Variants in HACE1 observed in about 807,000 individuals in gnomAD.
The protein encoded by HACE1 is HECT domain and ankyrin repeat containing E3 ubiquitin protein ligase 1.
In HACE1, 73 loss-of-function variants were observed where a neutral mutation model predicts 118.4. That is an observed-to-expected ratio of 0.62 (90% confidence interval 0.51 to 0.75). The LOEUF (loss-of-function observed/expected upper bound fraction) is 0.75. HACE1 is among the 30% of genes least tolerant of loss of function. The pLI is 0.00. For missense variants in HACE1, 749 were observed against 1,102.2 expected (o/e 0.68, Z 4.54); for synonymous variants, 368 against 374.8 (o/e 0.98, Z 0.21).
At chr6:104,809,691 G>T (rs904432330) in intron 7 of HACE1, among the ~76,000 whole-genome samples, 1 of 150,156 alleles carries the variant, frequency 6.7e-6, no homozygotes, top group Non-Finnish European at 1.5e-5. Flanking sequence ...CTTTGCTGAG[G>T]AAAGAAGAGA....
chr6:104,739,814 G>T (rs1312834627), intron 22 of HACE1, among the ~76,000 whole-genome samples: 1 of 151,710 alleles, frequency 6.6e-6, no homozygotes, highest in Non-Finnish European at 1.5e-5. Context: ...GCACCAAGCG[G>T]ACCTAATAGA....
chr6:104,832,381 T>G (rs940964431), intron 6 of HACE1, among the ~76,000 whole-genome samples: 6 of 150,846 alleles, frequency 4.0e-5, no homozygotes, highest in East Asian at 2.0e-4. Flanking sequence ...TTTCCTGTTT[T>G]TTGTTGTTGT....
rs987702221 is a variant in HACE1, at chr6:104,728,765, A to G, written c.*897T>C. On this transcript the variant is annotated 3_prime_UTR_variant, in exon 24 of 24. Coordinates refer to ENST00000262903, the MANE Select transcript of HACE1 (RefSeq NM_020771.4). ...AAATTCAAAAACCCACCAACATCCA[A>G]GTGATATTAGGCACATATCACTTGA... The G allele has an allele frequency of 4.6e-5, 7 of 152,160 alleles. No individual in the cohort carries two copies. Among genetic ancestry groups the G allele is most frequent in the African/African-American group, 7.2e-5 (3 of 41,450 alleles). The allele number at this position is 152,160 out of a possible 1,614,324, so 9.4% of individuals were successfully genotyped here. A position where few individuals can be genotyped will look rare whatever the true frequency, so the allele number is the denominator to read the frequency against.
rs539508398 is a variant in HACE1 at position 104,813,688 on chromosome 6, AAACTC to A, written c.535-2300_535-2296del. On this transcript the variant is annotated intron_variant, in intron 6 of 23. Coordinates refer to ENST00000262903, the MANE Select transcript of HACE1 (RefSeq NM_020771.4). ...TGTACAGTCAAACCAAGTAGTCAACAAACTCAACTCATGTACACAACGCTTCCAGC... is the reference window on the plus strand; with the variant it reads ...TGTACAGTCAAACCAAGTAGTCAACAAACTCATGTACACAACGCTTCCAGC... Among the ~76,000 whole-genome samples the A allele has an allele frequency of 7.2e-5, 10 of 138,504 alleles. 1 individual carries two copies. In the South Asian group the frequency reaches 1.8e-3, roughly 25 times the overall value. 90.9% of individuals were successfully genotyped at this position (138,504 alleles called of 152,430 possible).
intron 19 of HACE1, among the ~76,000 whole-genome samples, chr6:104,753,228 C>T (rs949688289): frequency 6.6e-6 from 1 of 152,202 alleles, no homozygotes; most frequent in Admixed American, 6.5e-5. Flanking sequence ...AAGGACAGCG[C>T]TTTGGTATCT....
intron 5 of HACE1, among the ~76,000 whole-genome samples, chr6:104,840,086 T>C (rs150419476): frequency 4.7e-4 from 72 of 152,286 alleles, no homozygotes; most frequent in Non-Finnish European, 9.3e-4. Context: ...TGTAATATTA[T>C]AGTATAGTTT....
intron 4 of HACE1, chr6:104,845,747 G>T (rs1490395905): frequency 6.6e-6 from 1 of 151,990 alleles, no homozygotes; most frequent in Non-Finnish European, 1.5e-5. Context: ...AAAGTGCTGG[G>T]ATTACAGGCT....
chr6:104,745,085 G>A (rs1466164171), intron 20 of HACE1, among the ~76,000 whole-genome samples: 4 of 152,052 alleles, frequency 2.6e-5, no homozygotes, highest in Non-Finnish European at 5.9e-5. Flanking sequence ...GAAAAAGGAG[G>A]TAATATAAAA....
chr6:104,803,000 A>G (rs921800792), intron 7 of HACE1, among the ~76,000 whole-genome samples: 8 of 152,214 alleles, frequency 5.3e-5, no homozygotes, highest in African/African-American at 1.9e-4. Flanking sequence ...GAGAAGAATC[A>G]AACAGACACA....
At chr6:104,855,180 C>T (rs1776596747) in intron 1 of HACE1, among the ~76,000 whole-genome samples, 2 of 152,286 alleles carry the variant, frequency 1.3e-5, no homozygotes, top group South Asian at 4.1e-4. Context: ...TGCAGTGGCT[C>T]ACGCCTGTAA....
intron 19 of HACE1, among the ~76,000 whole-genome samples, chr6:104,769,288 G>A (rs1780364458): frequency 6.6e-6 from 1 of 152,092 alleles, no homozygotes; most frequent in Non-Finnish European, 1.5e-5. Flanking sequence ...CCCTGCCTTA[G>A]TCTCCCAAAG....
At chr6:104,732,969 A>T (rs1219548207) in intron 22 of HACE1, among the ~76,000 whole-genome samples, 1 of 152,232 alleles carries the variant, frequency 6.6e-6, no homozygotes, top group Admixed American at 6.5e-5. Context: ...ATTCCTATTA[A>T]CAGCAAGAGA....
intron 7 of HACE1, among the ~76,000 whole-genome samples, chr6:104,807,861 T>C (rs1771184994): frequency 6.6e-6 from 1 of 151,764 alleles, no homozygotes; most frequent in African/African-American, 2.4e-5. Context: ...AAAATCCATC[T>C]GAAAAAGACT....
chr6:104,806,835 T>G (rs1340706764), intron 7 of HACE1, among the ~76,000 whole-genome samples: 1 of 152,152 alleles, frequency 6.6e-6, no homozygotes, highest in Non-Finnish European at 1.5e-5. Flanking sequence ...CACTTAGACC[T>G]GATTTCTCAA....
intron 1 of HACE1, 121 bp from the exon 2 acceptor site, chr6:104,852,492 A>G: frequency 1.5e-6 from 1 of 674,224 alleles, no homozygotes; most frequent in Non-Finnish European, 2.7e-6. Context: ...AAGAAGGAGG[A>G]AAGAATAATG....
At chr6:104,756,160 C>T (rs1362565358) in intron 19 of HACE1, among the ~76,000 whole-genome samples, 2 of 151,970 alleles carry the variant, frequency 1.3e-5, no homozygotes, top group African/African-American at 4.8e-5. Flanking sequence ...TGCCTGTAAT[C>T]CCAGCACTTT....
chr6:104,745,454 C>CATTTTTTTTTT (rs1777311443), intron 20 of HACE1, among the ~76,000 whole-genome samples: 1 of 67,854 alleles, frequency 1.5e-5, no homozygotes, highest in Non-Finnish European at 2.7e-5. Context: ...ATCAGGATTT[C>CATTTTTTTTTT]CTTTTTTTTT....
At chr6:104,822,525 C>A (rs1024464386) in intron 6 of HACE1, among the ~76,000 whole-genome samples, 3 of 151,806 alleles carry the variant, frequency 2.0e-5, no homozygotes, top group Non-Finnish European at 4.4e-5. Context: ...TACGCTCCGG[C>A]CGGTTCAACA....
intron 6 of HACE1, among the ~76,000 whole-genome samples, chr6:104,831,753 C>T (rs557050313): frequency 6.6e-6 from 1 of 150,806 alleles, no homozygotes; most frequent in Admixed American, 6.6e-5. Flanking sequence ...ATTAGCCGGG[C>T]GTGGTGGCCG....
Sources: allele counts gnomAD v4.1 joint callset (sites outside exome capture counted in the v4.1 genomes callset), GRCh38; gene constraint gnomAD v4.1.1; transcripts MANE v1.5; gene names NCBI Gene and HGNC (gene_info 2026-07-23, HGNC 2026-07-21).